The following PPP2R2B variants were observed in gnomAD, a reference collection of about 807,000 sequenced individuals.
PPP2R2B encodes the protein protein phosphatase 2 regulatory subunit Bbeta.
A neutral mutation model predicts 46.0 loss-of-function variants in PPP2R2B; 5 were observed. The observed-to-expected ratio is 0.11, with a 90% CI of 0.06 to 0.23. PPP2R2B has a LOEUF of 0.23. PPP2R2B is among the 10% of genes least tolerant of loss of function. The probability of loss-of-function intolerance (pLI) is 1.00; values close to 1 mark genes in which losing one functional copy is unlikely to be tolerated. For missense variants in PPP2R2B, 367 were observed against 575.0 expected (o/e 0.64, Z 3.70); for synonymous variants, 215 against 206.7 (o/e 1.04, Z -0.34).
At chr5:146,712,356 T>C (rs1009007396) in intron 2 of PPP2R2B, among the ~76,000 whole-genome samples, 2 of 152,198 alleles carry the variant, frequency 1.3e-5, no homozygotes, top group Non-Finnish European at 2.9e-5. Context: ...CTGAATGCAA[T>C]ACTGTACACA....
intron 2 of PPP2R2B, among the ~76,000 whole-genome samples, chr5:146,792,873 G>GCC (rs1022624245): frequency 2.0e-5 from 3 of 152,130 alleles, no homozygotes; most frequent in Admixed American, 6.5e-5. Context: ...CATCATAAGG[G>GCC]CCCTTTTTTA....
chr5:146,636,531 T>C (rs1774834998), intron 7 of PPP2R2B, among the ~76,000 whole-genome samples: 2 of 152,178 alleles, frequency 1.3e-5, no homozygotes, highest in African/African-American at 4.8e-5. Flanking sequence ...CCTTTGCTGG[T>C]AGGTTGGGCC....
At chr5:146,723,520 T>C (rs555782132) in intron 2 of PPP2R2B, among the ~76,000 whole-genome samples, 1 of 152,152 alleles carries the variant, frequency 6.6e-6, no homozygotes, top group Non-Finnish European at 1.5e-5. Context: ...TATACATGTA[T>C]AAAAGTCATT....
At chr5:146,674,617 T>C (rs1031866189) in intron 5 of PPP2R2B, among the ~76,000 whole-genome samples, 6 of 152,198 alleles carry the variant, frequency 3.9e-5, no homozygotes, top group African/African-American at 1.4e-4. Flanking sequence ...TGTTGTAATT[T>C]TGAGAATATG....
At chr5:147,052,670 C>G (rs957250989) in intron 1 of PPP2R2B, among the ~76,000 whole-genome samples, 2 of 152,112 alleles carry the variant, frequency 1.3e-5, no homozygotes, top group Admixed American at 6.5e-5. Flanking sequence ...GTCTGGGGAC[C>G]AGGCAAGATG....
At chr5:146,764,335 T>A (rs1297435750) in intron 2 of PPP2R2B, among the ~76,000 whole-genome samples, 4 of 152,158 alleles carry the variant, frequency 2.6e-5, no homozygotes, top group Non-Finnish European at 5.9e-5. Context: ...CAGATTTACA[T>A]TTGGATATAT....
chr5:146,880,445 G>A (rs1044970833), upstream of PPP2R2B, among the ~76,000 whole-genome samples: 2 of 152,252 alleles, frequency 1.3e-5, no homozygotes, highest in Middle Eastern at 3.4e-3. Context: ...CAGTCCTTTT[G>A]TAGTTACACA....
At chr5:146,862,281 T>C (rs1428645512) in intron 2 of PPP2R2B, among the ~76,000 whole-genome samples, 1 of 152,178 alleles carries the variant, frequency 6.6e-6, no homozygotes, top group Non-Finnish European at 1.5e-5. Flanking sequence ...CAAATTGAAA[T>C]CAAATTCAAA....
At position 146,878,433 on chromosome 5, in the gene PPP2R2B, T is replaced by TC. The variant is rs2151420463; in HGVS notation, c.-125+157dup. 1.1e-6 allele frequency: 1 copy of TC among 888,620 alleles called. No individual in the cohort carries two copies. The highest frequency in any genetic ancestry group is 1.8e-5 in the African/African-American group (1 of 54,498). 55.0% of individuals were successfully genotyped at this position (888,620 alleles called of 1,614,324 possible). Reference sequence around the variant, plus strand: ...CGCCCCGGAGGCGCTCACAAGCGGGTCTGGGGAGATGCCCAACAGGTTCCC... The same window carrying TC: ...CGCCCCGGAGGCGCTCACAAGCGGGTCCTGGGGAGATGCCCAACAGGTTCCC... On this transcript the variant is annotated intron_variant, in intron 1 of 9. Transcript: ENST00000394411. This position sits in a 1 kb window ranked among gnomAD's most constrained non-coding sequence, Gnocchi z 4.5.
intron 1 of PPP2R2B, among the ~76,000 whole-genome samples, chr5:147,019,511 G>C (rs1310225111): frequency 1.3e-5 from 2 of 152,148 alleles, no homozygotes; most frequent in African/African-American, 4.8e-5. Context: ...ACAATGACCT[G>C]AATGAAAGGA....
At chr5:147,022,501 A>C (rs1334330698) in intron 1 of PPP2R2B, among the ~76,000 whole-genome samples, 1 of 152,036 alleles carries the variant, frequency 6.6e-6, no homozygotes, top group Non-Finnish European at 1.5e-5. Context: ...TGGAGGTTGC[A>C]ATGAGCCAAG....
intron 2 of PPP2R2B, among the ~76,000 whole-genome samples, chr5:147,077,275 TACACACACACAC>T (rs370176510): frequency 2.8e-5 from 4 of 140,484 alleles, no homozygotes; most frequent in African/African-American, 5.3e-5. Context: ...TATGTGTGTA[TACACACACACAC>T]ACACACACAC....
At chr5:146,716,260 C>T (rs1168429088) in intron 2 of PPP2R2B, among the ~76,000 whole-genome samples, 1 of 152,096 alleles carries the variant, frequency 6.6e-6, no homozygotes, top group African/African-American at 2.4e-5. Flanking sequence ...GGAAAAAATT[C>T]CTTCTTCCTC....
intron 2 of PPP2R2B, among the ~76,000 whole-genome samples, chr5:146,735,027 T>C (rs1241872206): frequency 6.6e-6 from 1 of 152,152 alleles, no homozygotes; most frequent in African/African-American, 2.4e-5. Flanking sequence ...GTGTAAGAGA[T>C]GAACTGAGCT....
In PPP2R2B at chr5:147,081,313, T is replaced by G. The variant is rs546912117; in HGVS notation, c.-85A>C. 7 of 1,535,202 alleles carry G rather than the reference T, an allele frequency of 4.6e-6. No individual in the cohort carries two copies. The East Asian group carries it at 1.7e-4, about 38-fold the overall frequency. On this transcript the variant is annotated 5_prime_UTR_variant, in exon 1 of 11. Transcript: ENST00000394413. ...GTGAGTCCTGAGAGGACGGTCAGTC[T>G]GCAAGTACCACGTCCTGCTGTGAAT...
chr5:146,650,454 G>T, intron 6 of PPP2R2B, 93 bp downstream of exon 6: 2 of 1,180,690 alleles, frequency 1.7e-6, no homozygotes, highest in Non-Finnish European at 2.4e-6. Context: ...AATGCTAGGT[G>T]TTGCATTTCT....
chr5:147,027,616 C>T (rs1257341587), intron 1 of PPP2R2B, among the ~76,000 whole-genome samples: 1 of 121,674 alleles, frequency 8.2e-6, no homozygotes, highest in African/African-American at 3.3e-5. Context: ...AGCCTGGCAA[C>T]AAAGCGAGAC....
At chr5:146,812,789 GTGTGTATATATATATATATATATA>G (rs1163691127) in intron 2 of PPP2R2B, among the ~76,000 whole-genome samples, 1 of 6,414 alleles carries the variant, frequency 1.6e-4, no homozygotes, top group African/African-American at 6.4e-4. Flanking sequence ...GTGTGTATAT[GTGTGTATATATATATATATATATA>G]TATATATATA....
At chr5:146,771,393 A>T (rs1367370250) in intron 2 of PPP2R2B, among the ~76,000 whole-genome samples, 2 of 152,176 alleles carry the variant, frequency 1.3e-5, no homozygotes, top group Non-Finnish European at 2.9e-5. Context: ...AATTTTTTTT[A>T]AAAAGATCCA....
Sources: gnomAD v4.1 joint callset for allele counts (sites outside exome capture counted in the v4.1 genomes callset) on GRCh38, gnomAD v4.1.1 for gene constraint, Gnocchi (gnomAD v3.1) non-coding constraint, MANE v1.5 for transcripts, NCBI Gene and HGNC (gene_info 2026-07-23, HGNC 2026-07-21) for gene names.